GNAQ: variants seen among roughly 807,000 people sequenced by gnomAD.
GNAQ encodes the protein G protein subunit alpha q, also known as guanine nucleotide-binding protein G(q) subunit alpha.
In GNAQ, 8 loss-of-function variants were observed where a neutral mutation model predicts 43.9. That is an observed-to-expected ratio of 0.18 (90% CI 0.11 to 0.33). The LOEUF (loss-of-function observed/expected upper bound fraction) is 0.33, where lower values mean the gene tolerates loss of function less well. Among genes scored for constraint, GNAQ ranks in the 10% least tolerant of loss-of-function variants. The pLI is 1.00. For missense variants in GNAQ, 158 were observed against 450.8 expected (o/e 0.35, Z 5.88); for synonymous variants, 155 against 170.7 (o/e 0.91, Z 0.71).
At chr9:77,910,927 T>A (rs1193066438) in intron 2 of GNAQ, among the ~76,000 whole-genome samples, 1 of 152,180 alleles carries the variant, frequency 6.6e-6, no homozygotes, top group Non-Finnish European at 1.5e-5. Flanking sequence ...AGTAGTTGTG[T>A]TCTTGTGTGT....
At chr9:77,994,960 A>AC (rs1046300507) in intron 1 of GNAQ, among the ~76,000 whole-genome samples, 23 of 152,334 alleles carry the variant, frequency 1.5e-4, no homozygotes, top group Non-Finnish European at 2.5e-4. Flanking sequence ...GTAAGCACCT[A>AC]CCTATCGAGA....
intron 2 of GNAQ, among the ~76,000 whole-genome samples, chr9:77,899,079 A>G (rs1029882663): frequency 2.6e-5 from 4 of 151,992 alleles, no homozygotes; most frequent in Non-Finnish European, 4.4e-5. Context: ...TACCAACCAA[A>G]TCTCACTCAC....
chr9:77,898,061 A>C (rs1045561642), intron 2 of GNAQ, among the ~76,000 whole-genome samples: 2 of 152,150 alleles, frequency 1.3e-5, no homozygotes, highest in Non-Finnish European at 2.9e-5. Context: ...ATATACCCTT[A>C]GTCTATGGAA....
rs186324448 is a variant in GNAQ at position 77,843,817 on chromosome 9, C to T, written c.322-28047G>A. On this transcript the variant is annotated intron_variant, in intron 2 of 6. Transcript: ENST00000286548. ...GTTTTCTGCATGGGGTCAGTCATGG[C>T]TTACTCATCAGACTAAGCCACCTAA... is the stretch of plus-strand genomic sequence containing the variant. Among the ~76,000 whole-genome samples the T allele has an allele frequency of 7.2e-5, 11 of 152,288 alleles. No homozygotes were observed. The East Asian group carries it at 1.2e-3, about 16-fold the overall frequency.
intron 2 of GNAQ, among the ~76,000 whole-genome samples, chr9:77,861,815 C>T (rs142948752): frequency 1.4e-3 from 210 of 152,214 alleles, no homozygotes; most frequent in African/African-American, 4.8e-3. Flanking sequence ...GCCTGGCCAA[C>T]ATGGTGAAAC....
At chr9:77,906,609 TCTTA>T (rs1474868768) in intron 2 of GNAQ, among the ~76,000 whole-genome samples, 1 of 152,222 alleles carries the variant, frequency 6.6e-6, no homozygotes, top group Admixed American at 6.5e-5. Context: ...GTCCATACTC[TCTTA>T]CTTATTAACT....
Position 78,030,529 on chromosome 9 carries a change from G to C in GNAQ, c.136+571C>G, listed in dbSNP as rs80326263. On this transcript the variant is annotated intron_variant, in intron 1 of 6. Transcript: ENST00000286548. Reference sequence around the variant, plus strand: ...GGCTTCCTCACCATGAGTGCTCCGGGAATCCAGCTGCGAGTCTGCCCACCG... The same window carrying C: ...GGCTTCCTCACCATGAGTGCTCCGGCAATCCAGCTGCGAGTCTGCCCACCG... 26 of 470,970 alleles carry C rather than the reference G, an allele frequency of 5.5e-5. 1 individual carries two copies. Among genetic ancestry groups the C allele is most frequent in the South Asian group, 4.0e-4 (26 of 64,478 alleles). 29.2% of individuals were successfully genotyped at this position (470,970 alleles called of 1,614,324 possible).
chr9:77,940,903 G>T (rs1427189860), intron 1 of GNAQ, among the ~76,000 whole-genome samples: 1 of 151,690 alleles, frequency 6.6e-6, no homozygotes, highest in Non-Finnish European at 1.5e-5. Context: ...GGAGGAGCTT[G>T]CAGTGAGCCG....
chr9:77,922,940 T>C (rs1829018922), intron 1 of GNAQ, among the ~76,000 whole-genome samples: 1 of 152,044 alleles, frequency 6.6e-6, no homozygotes, highest in Admixed American at 6.5e-5. Flanking sequence ...AGAAATCCCA[T>C]CTGAGTCTCT....
chr9:78,011,049 A>G (rs958350184), intron 1 of GNAQ, among the ~76,000 whole-genome samples: 1 of 152,220 alleles, frequency 6.6e-6, no homozygotes, highest in East Asian at 1.9e-4. Flanking sequence ...ACGCAGAGAA[A>G]AAGACCCTAT....
intron 5 of GNAQ, among the ~76,000 whole-genome samples, chr9:77,763,403 A>G (rs1826086112): frequency 6.6e-6 from 1 of 152,152 alleles, no homozygotes; most frequent in South Asian, 2.1e-4. Context: ...AGACTGGAGG[A>G]TCACTTGCGG....
At chr9:77,763,647 C>T (rs759378390) in intron 5 of GNAQ, among the ~76,000 whole-genome samples, 1 of 152,222 alleles carries the variant, frequency 6.6e-6, no homozygotes, top group Non-Finnish European at 1.5e-5. Context: ...ATATTATTTA[C>T]ATTCATTACA....
chr9:77,965,007 T>G (rs1823148912), intron 1 of GNAQ, among the ~76,000 whole-genome samples: 1 of 152,196 alleles, frequency 6.6e-6, no homozygotes, highest in African/African-American at 2.4e-5. Flanking sequence ...CTAATGTGAC[T>G]AGAAAAGTCT....
At chr9:77,949,027 T>G (rs1048223947) in intron 1 of GNAQ, among the ~76,000 whole-genome samples, 1 of 152,346 alleles carries the variant, frequency 6.6e-6, no homozygotes, top group Non-Finnish European at 1.5e-5. Flanking sequence ...CCTCGAGGCC[T>G]GTGTTCAATC....
At chr9:78,002,412 G>GA (rs2118555249) in intron 1 of GNAQ, among the ~76,000 whole-genome samples, 1 of 152,272 alleles carries the variant, frequency 6.6e-6, no homozygotes, top group Admixed American at 6.5e-5. Context: ...CGCTGAAAAA[G>GA]AATCAAGAAT....
At chr9:77,781,037 A>G (rs79537055) in intron 5 of GNAQ, among the ~76,000 whole-genome samples, 1,851 of 149,914 alleles carry the variant, frequency 0.012, 34 homozygotes, top group African/African-American at 0.037. Context: ...ATGAATACGG[A>G]TATTTTCTCC....
intron 2 of GNAQ, among the ~76,000 whole-genome samples, chr9:77,915,782 A>T (rs1828893477): frequency 6.6e-6 from 1 of 152,198 alleles, no homozygotes; most frequent in Non-Finnish European, 1.5e-5. Context: ...AAGAAATTTT[A>T]TTTTAACAAA....
chr9:77,821,460 TTTGC>T (rs1827111087), intron 2 of GNAQ, among the ~76,000 whole-genome samples: 1 of 152,196 alleles, frequency 6.6e-6, no homozygotes, highest in Non-Finnish European at 1.5e-5. Flanking sequence ...TATTTGGTTC[TTTGC>T]TTAACATTTT....
At chr9:77,804,658 T>C (rs1030164416) in intron 3 of GNAQ, among the ~76,000 whole-genome samples, 5 of 152,104 alleles carry the variant, frequency 3.3e-5, no homozygotes, top group South Asian at 2.1e-4. Flanking sequence ...ATAAATGAAA[T>C]CGCATCTTGG....
Sources: gnomAD v4.1 joint callset for allele counts (sites outside exome capture counted in the v4.1 genomes callset) on GRCh38, gnomAD v4.1.1 for gene constraint, MANE v1.5 for transcripts, NCBI Gene and HGNC (gene_info 2026-07-23, HGNC 2026-07-21) for gene names.